FGF12: variants seen among roughly 807,000 people sequenced by gnomAD.
FGF12 encodes the protein fibroblast growth factor 12, also known as fibroblast growth factor 12B.
Under a neutral mutation model 23.6 loss-of-function variants are expected in FGF12, and 14 were observed. The ratio of observed to expected loss-of-function variants is 0.59; its 90% CI spans 0.39 to 0.93. FGF12 has a LOEUF of 0.93. FGF12 is among the 40% of genes least tolerant of loss of function. The pLI, the probability that FGF12 is intolerant of heterozygous loss-of-function variation, is 0.00. For missense variants in FGF12, 175 were observed against 217.8 expected, an observed-to-expected ratio of 0.80 and a Z score of 1.24; for synonymous variants, 62 against 77.3, an observed-to-expected ratio of 0.80 and a Z score of 1.04.
chr3:192,314,251 T>C (rs1362122370), intron 4 of FGF12, among the ~76,000 whole-genome samples: 2 of 151,792 alleles, frequency 1.3e-5, no homozygotes, highest in Non-Finnish European at 2.9e-5. Context: ...TTGATACACA[T>C]GGTAAAGTAT....
chr3:192,658,077 G>A (rs1195318287), intron 2 of FGF12, among the ~76,000 whole-genome samples: 3 of 152,006 alleles, frequency 2.0e-5, no homozygotes, highest in African/African-American at 2.4e-5. Flanking sequence ...TGACAGAGAC[G>A]CTGTGAAGTT....
At chr3:192,703,064 T>C (rs1399519818) in intron 2 of FGF12, among the ~76,000 whole-genome samples, 1 of 152,222 alleles carries the variant, frequency 6.6e-6, no homozygotes, top group East Asian at 1.9e-4. Flanking sequence ...TTATAATCTA[T>C]AAAGCATTTT....
chr3:192,313,371 T>G (rs1406338759), intron 4 of FGF12, among the ~76,000 whole-genome samples: 1 of 152,210 alleles, frequency 6.6e-6, no homozygotes, highest in African/African-American at 2.4e-5. Context: ...ACAATGTCAT[T>G]GCTATGTCCT....
chr3:192,160,575 A>G (rs1024166676), intron 5 of FGF12, among the ~76,000 whole-genome samples: 4 of 152,148 alleles, frequency 2.6e-5, no homozygotes, highest in African/African-American at 9.7e-5. Context: ...CTTGGAACTA[A>G]TCTCTAGTGA....
At chr3:192,161,746 T>G (rs1181827200) in intron 5 of FGF12, among the ~76,000 whole-genome samples, 1 of 152,160 alleles carries the variant, frequency 6.6e-6, no homozygotes, top group Admixed American at 6.6e-5. Context: ...AGAAAGCATG[T>G]TGAAAGGACA....
chr3:192,268,569 C>A, intron 4 of FGF12: 1 of 248,474 alleles, frequency 4.0e-6, no homozygotes, highest in Admixed American at 3.8e-5. Flanking sequence ...TGAACTCTCT[C>A]TCTGAGTTTG....
intron 2 of FGF12, among the ~76,000 whole-genome samples, chr3:192,475,927 TATAG>T (rs1021333387): frequency 6.8e-6 from 1 of 147,934 alleles, no homozygotes; most frequent in African/African-American, 2.7e-5. Context: ...TGATAGATGA[TATAG>T]ATAGATGATA....
intron 2 of FGF12, among the ~76,000 whole-genome samples, chr3:192,605,129 A>G (rs1714282423): frequency 6.6e-6 from 1 of 152,168 alleles, no homozygotes; most frequent in Non-Finnish European, 1.5e-5. Context: ...CTTTAATTCC[A>G]GCACTTTGGG....
At position 192,416,330 on chromosome 3, in the gene FGF12, A is replaced by G. The variant is rs2692700; in HGVS notation, c.14-55792T>C. 3.3e-5 allele frequency among the ~76,000 whole-genome samples: 5 copies of G among 151,874 alleles called. No homozygotes were observed. The East Asian group carries it at 9.6e-4, about 29-fold the overall frequency. ...TAGAATTCTCTAAGAGTAAAATGTT[A>G]AGTACAAAGAGTATGCAATTTAGAG... On this transcript the variant is annotated intron_variant, in intron 2 of 5. Coordinates refer to ENST00000445105, the MANE Select transcript of FGF12 (RefSeq NM_004113.6).
In FGF12 at chr3:192,158,361, T is replaced by C. The variant is rs568402979; in HGVS notation, c.427+12097A>G. 3.0e-4 allele frequency among the ~76,000 whole-genome samples: 34 copies of C among 114,368 alleles called. 1 individual carries two copies. The highest frequency in any genetic ancestry group is 1.3e-3 in the African/African-American group (34 of 25,968). The allele number at this position is 114,368 out of a possible 152,430, so 75.0% of individuals were successfully genotyped here. A position where few individuals can be genotyped will look rare whatever the true frequency, so the allele number is the denominator to read the frequency against. The stretch of plus-strand genomic sequence containing the variant: ...TTCTTTCTTTCTTTCTTTCTTTCTT[T>C]CTTTCTTTCTTTCTTTCTTTCTTTT... On this transcript the variant is annotated intron_variant, in intron 5 of 5. Coordinates refer to ENST00000445105, the MANE Select transcript of FGF12 (RefSeq NM_004113.6).
At chr3:192,652,151 G>C (rs996531936) in intron 2 of FGF12, among the ~76,000 whole-genome samples, 2 of 152,160 alleles carry the variant, frequency 1.3e-5, no homozygotes, top group African/African-American at 4.8e-5. Context: ...TGGATAAAAC[G>C]AATTGTATGC....
At chr3:192,568,638 C>T (rs1712455317) in intron 2 of FGF12, among the ~76,000 whole-genome samples, 1 of 152,126 alleles carries the variant, frequency 6.6e-6, no homozygotes, top group Non-Finnish European at 1.5e-5. Flanking sequence ...TTATCTCCCT[C>T]ATTAGTTTTG....
intron 4 of FGF12, among the ~76,000 whole-genome samples, chr3:192,332,766 C>T (rs6787541): frequency 0.069 from 10,507 of 152,092 alleles, 1,122 homozygotes; most frequent in African/African-American, 0.23. Flanking sequence ...TTTGCTTCAG[C>T]ACTCTCCTCT....
At chr3:192,664,667 G>T (rs1352066921) in intron 2 of FGF12, among the ~76,000 whole-genome samples, 1 of 151,280 alleles carries the variant, frequency 6.6e-6, no homozygotes, top group East Asian at 1.9e-4. Context: ...TCAGGAGGTT[G>T]AAGAGGAGAA....
chr3:192,653,420 C>A (rs1716284241), intron 2 of FGF12, among the ~76,000 whole-genome samples: 1 of 152,188 alleles, frequency 6.6e-6, no homozygotes, highest in Non-Finnish European at 1.5e-5. Flanking sequence ...GCCAGCCTCG[C>A]TTTCTGTGCC....
intron 2 of FGF12, among the ~76,000 whole-genome samples, chr3:192,389,455 C>T (rs1033884631): frequency 2.6e-5 from 4 of 152,182 alleles, no homozygotes; most frequent in Non-Finnish European, 4.4e-5. Context: ...GAACAGCATA[C>T]GTGCATTTTA....
intron 2 of FGF12, among the ~76,000 whole-genome samples, chr3:192,388,536 A>G (rs1720152880): frequency 6.6e-6 from 1 of 152,174 alleles, no homozygotes. Flanking sequence ...TAGAAATCAT[A>G]TATGTATCAT....
At chr3:192,487,684 G>A (rs1048823709) in intron 2 of FGF12, among the ~76,000 whole-genome samples, 6 of 152,076 alleles carry the variant, frequency 3.9e-5, no homozygotes, top group Non-Finnish European at 7.4e-5. Context: ...TAATGTAAAC[G>A]TAAAGAATGT....
At chr3:192,168,424 T>A (rs1041340143) in intron 5 of FGF12, among the ~76,000 whole-genome samples, 8 of 152,178 alleles carry the variant, frequency 5.3e-5, no homozygotes, top group African/African-American at 1.9e-4. Context: ...AATCCCTACC[T>A]CTCATCTCAA....
Sources: allele counts gnomAD v4.1 joint callset (sites outside exome capture counted in the v4.1 genomes callset), GRCh38; gene constraint gnomAD v4.1.1; transcripts MANE v1.5; gene names NCBI Gene and HGNC (gene_info 2026-07-23, HGNC 2026-07-21).